Variants in CRB1 observed in about 807,000 individuals in gnomAD.
The protein encoded by CRB1 is protein crumbs homolog 1.
A neutral mutation model predicts 120.0 loss-of-function variants in CRB1; 83 were observed. The ratio of observed to expected loss-of-function variants is 0.69; its 90% confidence interval spans 0.58 to 0.83. The LOEUF is 0.83. CRB1 is among the 40% of genes least tolerant of loss of function. CRB1 has a pLI of 0.00. For synonymous variants in CRB1, 625 were observed against 612.5 expected (o/e 1.02, Z -0.30); for missense variants, 1,699 against 1,687.6 (o/e 1.01, Z -0.12).
rs565687888 is a variant in CRB1 at position 197,454,432 on chromosome 1, T to A, written c.4005+12140T>A. 7.2e-5 allele frequency among the ~76,000 whole-genome samples: 11 copies of A among 152,312 alleles called. No homozygotes were observed. In the South Asian group the frequency reaches 2.1e-3, roughly 29 times the overall value. On this transcript the variant is annotated intron_variant, in intron 11 of 11. Transcript: ENST00000367400. ...TTCCTTTCATCTTTTCATACATTAT[T>A]AAGATTTCTGCTTCACCAAGTATAA...
chr1:197,296,200 A>G (rs186439789), intron 1 of CRB1, among the ~76,000 whole-genome samples: 1 of 152,162 alleles, frequency 6.6e-6, no homozygotes, highest in Admixed American at 6.6e-5. Flanking sequence ...CATCACAGGT[A>G]AAATCAGGGG....
chr1:197,337,410 G>A (rs574807886), intron 2 of CRB1, among the ~76,000 whole-genome samples: 30 of 152,242 alleles, frequency 2.0e-4, no homozygotes, highest in African/African-American at 7.2e-4. Flanking sequence ...TCCAGGCTCA[G>A]CCTAGATGTT....
the CRB1 span, among the ~76,000 whole-genome samples, chr1:197,262,507 G>A: frequency 6.6e-6 from 1 of 151,990 alleles, no homozygotes; most frequent in Non-Finnish European, 1.5e-5. Context: ...TTCTTTTACT[G>A]CACTGTATGT....
chr1:197,378,113 C>G (rs551432600), intron 5 of CRB1, among the ~76,000 whole-genome samples: 22 of 152,284 alleles, frequency 1.4e-4, no homozygotes, highest in African/African-American at 5.1e-4. Context: ...TCCATTTTTA[C>G]TTCCTGACAT....
intron 3 of CRB1, among the ~76,000 whole-genome samples, chr1:197,345,502 CT>C (rs972072957): frequency 0.08 from 7,260 of 90,616 alleles, 203 homozygotes; most frequent in African/African-American, 0.21. Context: ...AAAATAATGA[CT>C]TTTTTTTTTT....
chr1:197,354,315 G>C (rs1370545547), intron 4 of CRB1, among the ~76,000 whole-genome samples: 1 of 152,142 alleles, frequency 6.6e-6, no homozygotes, highest in Admixed American at 6.5e-5. Flanking sequence ...AACTCAAAAC[G>C]CTTACACAGA....
At chr1:197,295,979 A>T (rs562410733) in intron 1 of CRB1, among the ~76,000 whole-genome samples, 3 of 73,750 alleles carry the variant, frequency 4.1e-5, no homozygotes, top group South Asian at 4.8e-4. Context: ...GATTTAAAAA[A>T]AAATTTAAGA....
At chr1:197,400,587 C>A (rs1010179434) in intron 5 of CRB1, among the ~76,000 whole-genome samples, 1 of 151,958 alleles carries the variant, frequency 6.6e-6, no homozygotes, top group Non-Finnish European at 1.5e-5. Flanking sequence ...CTTACAAAAC[C>A]TATCCTGCTT....
chr1:197,258,826 A>G, the CRB1 span, among the ~76,000 whole-genome samples: 3 of 152,202 alleles, frequency 2.0e-5, no homozygotes, highest in Admixed American at 6.5e-5. Context: ...TCATAGTGTT[A>G]TGGTAGATAT....
intron 11 of CRB1, among the ~76,000 whole-genome samples, chr1:197,453,588 A>C (rs1666094304): frequency 7.0e-6 from 1 of 143,200 alleles, no homozygotes; most frequent in African/African-American, 2.5e-5. Context: ...AGAGAGAGAG[A>C]GAGAGAGAGA....
intron 1 of CRB1, among the ~76,000 whole-genome samples, chr1:197,314,128 C>G (rs1271563845): frequency 1.3e-5 from 2 of 152,080 alleles, no homozygotes; most frequent in African/African-American, 2.4e-5. Context: ...TGTTCTTTTT[C>G]TCCTCTCCCT....
rs766316268 is a variant in CRB1 at position 197,434,950 on chromosome 1, G to A, written c.3087G>A (p.Val1029=). The change falls in exon 9 of 12, where the codon GTG becomes GTA. Residue 1029 remains valine, a synonymous_variant. Coordinates refer to ENST00000367400, the MANE Select transcript of CRB1 (RefSeq NM_201253.3). ...YMLSLTSLQS[V]NDGTWHEVTL... is the part of the protein sequence containing the mutation. Reference sequence around the variant, plus strand: ...TAAGTCTGACAAGTTTGCAGTCAGTGAATGATGGCACATGGCACGAAGTGA... The same window carrying A: ...TAAGTCTGACAAGTTTGCAGTCAGTAAATGATGGCACATGGCACGAAGTGA... 6.2e-7 allele frequency: 1 copy of A among 1,613,934 alleles called. No homozygotes were observed. The highest frequency in any genetic ancestry group is 1.1e-5 in the South Asian group (1 of 91,086).
At chr1:197,230,143 C>T in the CRB1 span, among the ~76,000 whole-genome samples, 1 of 152,146 alleles carries the variant, frequency 6.6e-6, no homozygotes, top group African/African-American at 2.4e-5. Flanking sequence ...CTTAAGATCA[C>T]TCAGCTGAAG....
intron 1 of CRB1, among the ~76,000 whole-genome samples, chr1:197,328,100 T>C (rs543414862): frequency 2.6e-5 from 4 of 152,346 alleles, no homozygotes; most frequent in South Asian, 4.1e-4. Flanking sequence ...TTCTGTTAAA[T>C]CAGGAAACAA....
chr1:197,271,093 GGA>G (rs1383439447), intron 1 of CRB1, among the ~76,000 whole-genome samples: 2 of 152,048 alleles, frequency 1.3e-5, no homozygotes, highest in Non-Finnish European at 2.9e-5. Flanking sequence ...CAGCTACTCA[GGA>G]GGCTGAGGTG....
intron 6 of CRB1, among the ~76,000 whole-genome samples, chr1:197,426,866 A>C (rs1664609393): frequency 6.6e-6 from 1 of 152,184 alleles, no homozygotes; most frequent in Non-Finnish European, 1.5e-5. Context: ...TAAAAACCTG[A>C]AGTTTAGAAA....
Position 197,421,556 on chromosome 1 carries a change from G to A in CRB1, c.1728G>A (p.Glu576=), listed in dbSNP as rs529612010. The A allele has an allele frequency of 1.7e-5, 28 of 1,614,182 alleles. 1 individual carries two copies. In the South Asian group the frequency reaches 3.1e-4, roughly 18 times the overall value. The change falls in exon 6 of 12, where the codon GAG becomes GAA. Residue 576 remains glutamate, a synonymous_variant. Transcript: ENST00000367400. ...ATTTCGTGGAGGTAATATTTGCAGA[G>A]GCTGTGACCCTTACCTTAATCGACG... ...EWHFVEVIFA[E]AVTLTLIDDS...
the CRB1 span, among the ~76,000 whole-genome samples, chr1:197,211,765 A>G: frequency 6.6e-6 from 1 of 152,142 alleles, no homozygotes; most frequent in Non-Finnish European, 1.5e-5. Context: ...AAATTAATCT[A>G]TAGAATTAAA....
Position 197,356,990 on chromosome 1 carries a change from G to GT in CRB1, c.1149dup (p.Ile384TyrfsTer17), listed in dbSNP as rs1660517678. 1 of 1,614,074 alleles carries GT rather than the reference G, an allele frequency of 6.2e-7. No homozygotes were observed. The highest frequency in any genetic ancestry group is 8.5e-7 in the Non-Finnish European group (1 of 1,180,042). ...TACCATGAAGCCTCAGGTTATGTCT[G>GT]TATCTGTCAGCCTGGATTCACAGGT... On this transcript the variant is annotated frameshift_variant, in exon 5 of 12. Coordinates refer to ENST00000367400, the MANE Select transcript of CRB1 (RefSeq NM_201253.3). LOFTEE classifies it high-confidence loss of function.
Sources: gnomAD v4.1 joint callset for allele counts (sites outside exome capture counted in the v4.1 genomes callset) on GRCh38, gnomAD v4.1.1 for gene constraint, MANE v1.5 for transcripts, NCBI Gene and HGNC (gene_info 2026-07-23, HGNC 2026-07-21) for gene names.